FSTL4: variants seen among roughly 807,000 people sequenced by gnomAD.
FSTL4 encodes the protein follistatin-related protein 4.
Under a neutral mutation model 78.2 loss-of-function variants are expected in FSTL4, and 28 were observed. The observed-to-expected ratio is 0.36, with a 90% confidence interval of 0.27 to 0.49. FSTL4 has a LOEUF of 0.49. FSTL4 is among the 20% of genes least tolerant of loss of function. FSTL4 has a pLI of 0.98. For synonymous variants in FSTL4, 422 were observed against 440.5 expected (o/e 0.96, Z 0.53); for missense variants, 922 against 1,084.9 (o/e 0.85, Z 2.11).
chr5:133,222,871 C>G (rs561561452), intron 11 of FSTL4, among the ~76,000 whole-genome samples: 218 of 152,320 alleles, frequency 1.4e-3, no homozygotes, highest in African/African-American at 5.1e-3. Flanking sequence ...TTCATTTTGG[C>G]TCCTTATCCC....
intron 15 of FSTL4, among the ~76,000 whole-genome samples, chr5:133,200,872 C>A (rs962174543): frequency 6.6e-6 from 1 of 152,160 alleles, no homozygotes; most frequent in Non-Finnish European, 1.5e-5. Flanking sequence ...ATGGAAATAG[C>A]AAGAAAGAAA....
chr5:133,326,598 C>T (rs978024364), intron 4 of FSTL4, among the ~76,000 whole-genome samples: 4 of 152,212 alleles, frequency 2.6e-5, no homozygotes, highest in African/African-American at 7.2e-5. Flanking sequence ...CCAGAAAGCC[C>T]GCCCGCAGAG....
intron 3 of FSTL4, among the ~76,000 whole-genome samples, chr5:133,507,164 C>T (rs866570019): frequency 5.9e-5 from 9 of 152,224 alleles, no homozygotes; most frequent in Middle Eastern, 6.8e-3. Flanking sequence ...GCCGAGATCA[C>T]GCCACTGCCC....
chr5:133,228,122 T>C (rs1363426030), intron 8 of FSTL4, among the ~76,000 whole-genome samples: 2 of 152,074 alleles, frequency 1.3e-5, no homozygotes, highest in Non-Finnish European at 2.9e-5. Context: ...AGCTACTCAG[T>C]AGGCTGAGGT....
chr5:133,740,146 A>C, the FSTL4 span, among the ~76,000 whole-genome samples: 9 of 152,132 alleles, frequency 5.9e-5, no homozygotes, highest in African/African-American at 2.2e-4. Flanking sequence ...GGCCTCCCAA[A>C]GTGCTGGGAT....
the FSTL4 span, among the ~76,000 whole-genome samples, chr5:133,837,439 C>A: frequency 6.6e-6 from 1 of 152,104 alleles, no homozygotes; most frequent in Non-Finnish European, 1.5e-5. Context: ...CAATTATTGT[C>A]TTTGTGCACA....
chr5:133,611,409 T>G lies in FSTL4; in HGVS notation c.-11+916A>C, dbSNP rs925728311. Among the ~76,000 whole-genome samples, 1 of 152,166 alleles carries G rather than the reference T, an allele frequency of 6.6e-6. No homozygotes were observed. Among genetic ancestry groups the G allele is most frequent in the Non-Finnish European group, 1.5e-5 (1 of 68,002 alleles). On this transcript the variant is annotated intron_variant, in intron 1 of 15. Coordinates refer to ENST00000265342, the MANE Select transcript of FSTL4 (RefSeq NM_015082.2). This position sits in a 1 kb window ranked among gnomAD's most constrained non-coding sequence, Gnocchi z 4.9. ...GTCGGCTGCAGGGAGCCCCAAAGAC[T>G]AGCGTCAGCTCGTCCCCAAACTCGA...
intron 4 of FSTL4, among the ~76,000 whole-genome samples, chr5:133,329,943 A>G (rs996135453): frequency 5.9e-5 from 9 of 152,186 alleles, no homozygotes; most frequent in African/African-American, 1.9e-4. Context: ...TGGCAAAGGC[A>G]TTCCAAGGAT....
At chr5:133,478,428 G>C (rs1188903364) in intron 3 of FSTL4, among the ~76,000 whole-genome samples, 5 of 151,690 alleles carry the variant, frequency 3.3e-5, no homozygotes, top group African/African-American at 9.7e-5. Flanking sequence ...AGGAGCATCC[G>C]TAGCTGTGGT....
chr5:133,241,035 A>G (rs1751855415), intron 7 of FSTL4, among the ~76,000 whole-genome samples: 1 of 152,184 alleles, frequency 6.6e-6, no homozygotes, highest in Non-Finnish European at 1.5e-5. Flanking sequence ...AATGAGCTCC[A>G]GCAAAAGCTT....
intron 6 of FSTL4, among the ~76,000 whole-genome samples, chr5:133,269,205 A>G (rs34281972): frequency 6.7e-6 from 1 of 148,914 alleles, no homozygotes; most frequent in Non-Finnish European, 1.5e-5. Flanking sequence ...AAAAAAAAAA[A>G]GAAAGAGCCA....
the FSTL4 span, among the ~76,000 whole-genome samples, chr5:133,669,895 A>G: frequency 4.2e-3 from 641 of 152,258 alleles, no homozygotes; most frequent in Non-Finnish European, 5.4e-3. Flanking sequence ...TCTCTAGCAT[A>G]AGAGTCATTA....
intron 3 of FSTL4, among the ~76,000 whole-genome samples, chr5:133,536,024 C>T (rs1231957131): frequency 6.6e-6 from 1 of 152,158 alleles, no homozygotes; most frequent in East Asian, 1.9e-4. Context: ...AGCAGAGGGC[C>T]TCTCACACAC....
chr5:133,812,853 A>G, the FSTL4 span, among the ~76,000 whole-genome samples: 3 of 152,246 alleles, frequency 2.0e-5, no homozygotes, highest in Non-Finnish European at 4.4e-5. Flanking sequence ...TGCTTAGTAC[A>G]TTCATGATTG....
the FSTL4 span, among the ~76,000 whole-genome samples, chr5:133,698,538 T>C: frequency 6.6e-6 from 1 of 152,264 alleles, no homozygotes; most frequent in Non-Finnish European, 1.5e-5. Flanking sequence ...CATGCGATAA[T>C]GCATGATGAT....
At chr5:133,775,745 C>A in the FSTL4 span, among the ~76,000 whole-genome samples, 1 of 152,152 alleles carries the variant, frequency 6.6e-6, no homozygotes, top group South Asian at 2.1e-4. Flanking sequence ...TCATAGGGAA[C>A]TTCCTATTAT....
At chr5:133,330,505 G>A (rs911813273) in intron 4 of FSTL4, among the ~76,000 whole-genome samples, 3 of 152,296 alleles carry the variant, frequency 2.0e-5, no homozygotes, top group East Asian at 1.9e-4. Flanking sequence ...GAGGACAGCC[G>A]TGAGGGGATG....
At chr5:133,745,543 C>T in the FSTL4 span, among the ~76,000 whole-genome samples, 2 of 152,184 alleles carry the variant, frequency 1.3e-5, no homozygotes, top group African/African-American at 2.4e-5. Context: ...CTTCCCTAAG[C>T]GGGCCAAGTA....
intron 4 of FSTL4, among the ~76,000 whole-genome samples, chr5:133,395,230 G>A (rs1258578808): frequency 2.0e-5 from 3 of 152,128 alleles, no homozygotes; most frequent in African/African-American, 7.2e-5. Context: ...AATAAATATT[G>A]CTGCTGCTCA....
Sources: allele counts gnomAD v4.1 joint callset (sites outside exome capture counted in the v4.1 genomes callset), GRCh38; gene constraint gnomAD v4.1.1; non-coding constraint Gnocchi (gnomAD v3.1); transcripts MANE v1.5; gene names NCBI Gene and HGNC (gene_info 2026-07-23, HGNC 2026-07-21).